Variants in WDFY4 observed in about 807,000 individuals in gnomAD.
The protein encoded by WDFY4 is WD repeat- and FYVE domain-containing protein 4.
A neutral mutation model predicts 351.9 loss-of-function variants in WDFY4; 169 were observed. The ratio of observed to expected loss-of-function variants is 0.48; its 90% confidence interval spans 0.42 to 0.55. WDFY4 has a LOEUF of 0.55. Among genes scored for constraint, WDFY4 ranks in the 20% least tolerant of loss-of-function variants. The probability of loss-of-function intolerance (pLI) is 0.00; values close to 1 mark genes in which losing one functional copy is unlikely to be tolerated. For missense variants in WDFY4, 3,803 were observed against 3,935.6 expected, an observed-to-expected ratio of 0.97 and a Z score of 0.90; for synonymous variants, 1,622 against 1,574.6, an observed-to-expected ratio of 1.03 and a Z score of -0.71.
chr10:48,896,933 A>G (rs933029654), intron 44 of WDFY4, among the ~76,000 whole-genome samples: 5 of 151,998 alleles, frequency 3.3e-5, no homozygotes, highest in Admixed American at 2.0e-4. Flanking sequence ...CACGGCAGGT[A>G]TCCTGGGGCT....
intron 47 of WDFY4, among the ~76,000 whole-genome samples, chr10:48,915,392 G>A (rs146589496): frequency 6.7e-6 from 1 of 149,634 alleles, no homozygotes; most frequent in Non-Finnish European, 1.5e-5. Context: ...TCTTTTTAAA[G>A]GCCTCCTGTG....
intron 12 of WDFY4, among the ~76,000 whole-genome samples, chr10:48,754,714 C>G (rs2065282242): frequency 6.6e-6 from 1 of 152,064 alleles, no homozygotes; most frequent in South Asian, 2.1e-4. Flanking sequence ...ACAGATGTAT[C>G]CAGAGTGCCT....
intron 60 of WDFY4, among the ~76,000 whole-genome samples, chr10:48,981,120 A>T (rs1192215478): frequency 2.6e-5 from 4 of 152,236 alleles, no homozygotes; most frequent in African/African-American, 9.6e-5. Context: ...ACACAAATCC[A>T]ATTTGGTACA....
chr10:48,914,184 T>G (rs1838286332), intron 47 of WDFY4: 1 of 1,597,150 alleles, frequency 6.3e-7, no homozygotes, highest in African/African-American at 1.3e-5. Flanking sequence ...TGTTAGAAGT[T>G]TATTGTTCTG....
At position 48,974,842 on chromosome 10, in the gene WDFY4, C is replaced by A. The variant is rs755438637; in HGVS notation, c.8929-20C>A. On this transcript the variant is annotated intron_variant, in intron 57 of 61. Coordinates refer to ENST00000325239, the MANE Select transcript of WDFY4 (RefSeq NM_001394531.1). ...CTGAATTGAGGGTCCCTCTCCTAAC[C>A]TGTGAGTCTCTGTCCCCAGGCCTTG... 7 of 1,521,544 alleles carry A rather than the reference C, an allele frequency of 4.6e-6. No homozygotes were observed. The South Asian group carries it at 8.8e-5, about 19-fold the overall frequency. 94.3% of individuals were successfully genotyped at this position (1,521,544 alleles called of 1,614,324 possible). A position where few individuals can be genotyped will look rare whatever the true frequency, so the allele number is the denominator to read the frequency against.
At chr10:48,722,736 AGAGG>A (rs1427976505) in intron 4 of WDFY4, among the ~76,000 whole-genome samples, 3 of 152,238 alleles carry the variant, frequency 2.0e-5, no homozygotes, top group African/African-American at 7.2e-5. Flanking sequence ...ACGCACACAC[AGAGG>A]GTGCAGGTGC....
intron 42 of WDFY4, 48 bp downstream of exon 42, chr10:48,875,188 GT>G: frequency 1.8e-6 from 2 of 1,082,044 alleles, no homozygotes; most frequent in Non-Finnish European, 2.5e-6. Flanking sequence ...CTAATTATTG[GT>G]TTTATTTAAT....
At chr10:48,921,222 C>T (rs562383175) in intron 47 of WDFY4, among the ~76,000 whole-genome samples, 1 of 152,142 alleles carries the variant, frequency 6.6e-6, no homozygotes, top group East Asian at 1.9e-4. Flanking sequence ...TTAAAATTTA[C>T]CATATAGTTA....
chr10:48,807,044 CTAAGAAA>C (rs1197196240), intron 27 of WDFY4, among the ~76,000 whole-genome samples: 1 of 152,132 alleles, frequency 6.6e-6, no homozygotes, highest in Non-Finnish European at 1.5e-5. Context: ...ATTTTGCAGA[CTAAGAAA>C]TTTAGGTTCA....
intron 13 of WDFY4, among the ~76,000 whole-genome samples, chr10:48,764,869 A>G (rs143229440): frequency 1.3e-5 from 2 of 152,404 alleles, no homozygotes; most frequent in East Asian, 1.9e-4. Context: ...CCTGATGGCT[A>G]TAACCGAGGT....
rs1840624685 is a variant in WDFY4 at position 48,939,376 on chromosome 10, A to G, written c.7587-2430A>G. Among the ~76,000 whole-genome samples, 3 of 152,304 alleles carry G rather than the reference A, an allele frequency of 2.0e-5. No individual in the cohort carries two copies. The South Asian group carries it at 6.2e-4, about 32-fold the overall frequency. ...ACACCCCTGTGTGACAGGTGTGGCC[A>G]GTGTGTTGCAAGGATGATATGGCAA... On this transcript the variant is annotated intron_variant, in intron 47 of 61. Coordinates refer to ENST00000325239, the MANE Select transcript of WDFY4 (RefSeq NM_001394531.1).
chr10:48,863,019 T>C (rs2069399086), intron 39 of WDFY4, among the ~76,000 whole-genome samples: 1 of 152,134 alleles, frequency 6.6e-6, no homozygotes, highest in Non-Finnish European at 1.5e-5. Flanking sequence ...TGTTATAACA[T>C]GTGTCAATAC....
At chr10:48,828,158 G>A (rs2068067249) in intron 36 of WDFY4, among the ~76,000 whole-genome samples, 1 of 152,168 alleles carries the variant, frequency 6.6e-6, no homozygotes. Flanking sequence ...ATGGCCACGT[G>A]GACGTTAACA....
intron 39 of WDFY4, among the ~76,000 whole-genome samples, chr10:48,852,221 C>A (rs570665589): frequency 6.6e-6 from 1 of 152,082 alleles, no homozygotes; most frequent in South Asian, 2.1e-4. Flanking sequence ...GGAGATACAC[C>A]GGGTGGAAAT....
At chr10:48,702,835 G>T (rs548642517) in intron 1 of WDFY4, among the ~76,000 whole-genome samples, 30 of 152,304 alleles carry the variant, frequency 2.0e-4, no homozygotes, top group African/African-American at 6.7e-4. Flanking sequence ...TGCCACGTTT[G>T]CATTCCCACC....
intron 8 of WDFY4, 113 bp downstream of exon 8, chr10:48,729,702 G>A (rs1353012201): frequency 2.2e-6 from 3 of 1,350,022 alleles, no homozygotes; most frequent in African/African-American, 2.9e-5. Flanking sequence ...AGTAGGCTCT[G>A]ATTCTGTCAC....
rs1298951524 is a variant in WDFY4 at position 48,717,660 on chromosome 10, G to C, written c.235-2351G>C. Among the ~76,000 whole-genome samples the C allele has an allele frequency of 2.0e-5, 3 of 152,154 alleles. No individual in the cohort carries two copies. The East Asian group carries it at 5.8e-4, about 29-fold the overall frequency. On this transcript the variant is annotated intron_variant, in intron 2 of 61. Coordinates refer to ENST00000325239, the MANE Select transcript of WDFY4 (RefSeq NM_001394531.1). ...TTACAGGTTTTTATAGACTCATACT[G>C]TAATATACTTTTACAACTTGCTTTT...
intron 18 of WDFY4, 143 bp downstream of exon 18, chr10:48,778,975 T>C (rs2683612): frequency 0.99 from 883,196 of 891,940 alleles, 437,780 homozygotes; most frequent in East Asian, 1. Context: ...TTGGGTTCCA[T>C]ACCTGGTGAA....
chr10:48,938,112 C>T (rs1176083577), intron 47 of WDFY4, among the ~76,000 whole-genome samples: 1 of 152,226 alleles, frequency 6.6e-6, no homozygotes, highest in Non-Finnish European at 1.5e-5. Context: ...TTGCGTATGC[C>T]TAGTGCTTCT....
Sources: gnomAD v4.1 joint callset for allele counts (sites outside exome capture counted in the v4.1 genomes callset) on GRCh38, gnomAD v4.1.1 for gene constraint, MANE v1.5 for transcripts, NCBI Gene and HGNC (gene_info 2026-07-23, HGNC 2026-07-21) for gene names.